DRC11L: variants seen among roughly 807,000 people sequenced by gnomAD.
DRC11L encodes the protein dynein regulatory complex subunit 11 like.
chr7:151,193,548 T>C, the DRC11L span: 2 of 399,244 alleles, frequency 5.0e-6, no homozygotes, highest in Non-Finnish European at 8.8e-6. Context: ...GAATCAGGGC[T>C]GGAGATGACT....
chr7:151,194,671 A>T, the DRC11L span: 108 of 398,650 alleles, frequency 2.7e-4, 1 homozygote, highest in Non-Finnish European at 4.3e-4. Flanking sequence ...AGGGAAATGG[A>T]GGCAGAGATG....
At chr7:151,195,597 TC>T in the DRC11L span, 187,528 of 399,664 alleles carry the variant, frequency 0.47, 47,130 homozygotes, top group Non-Finnish European at 0.54. Flanking sequence ...CAGGGGTCTT[TC>T]TTCCTCCTTG....
chr7:151,199,858 G>C, the DRC11L span, among the ~76,000 whole-genome samples: 1 of 152,268 alleles, frequency 6.6e-6, no homozygotes, highest in Non-Finnish European at 1.5e-5. The surrounding 1 kb of genome is among the most constrained non-coding windows in gnomAD (Gnocchi z 5.2). Flanking sequence ...AGCTGGGTGA[G>C]AGGACAGAGA....
chr7:151,204,696 A>G, the DRC11L span: 1 of 398,980 alleles, frequency 2.5e-6, no homozygotes, highest in Non-Finnish European at 4.4e-6. Context: ...CAGCAGCCCC[A>G]GGTAGTGCAG....
At chr7:151,200,472 GGGACACACA>G in the DRC11L span, 127 of 399,354 alleles carry the variant, frequency 3.2e-4, no homozygotes, top group Middle Eastern at 1.3e-3. Flanking sequence ...AGGGATGTAG[GGGACACACA>G]GGACACACAG....
At chr7:151,192,299 C>T in the DRC11L span, 4 of 398,990 alleles carry the variant, frequency 1.0e-5, no homozygotes, top group East Asian at 3.6e-5. Flanking sequence ...GTAGTCAGGC[C>T]GGGGCATGAA....
the DRC11L span, chr7:151,192,221 C>T: frequency 7.8e-5 from 31 of 398,572 alleles, no homozygotes; most frequent in Non-Finnish European, 1.3e-4. Flanking sequence ...GGGTATGGGG[C>T]GGGAGGTGGG....
At chr7:151,205,479 C>G in the DRC11L span, 1 of 399,014 alleles carries the variant, frequency 2.5e-6, no homozygotes. Context: ...CACGCTGCCC[C>G]TTGTTTGCTG....
At chr7:151,200,823 T>C in the DRC11L span, among the ~76,000 whole-genome samples, 37 of 152,314 alleles carry the variant, frequency 2.4e-4, no homozygotes, top group East Asian at 6.0e-3. Context: ...CCCAGGCACA[T>C]AGACACTGGC....
At chr7:151,194,805 G>A in the DRC11L span, among the ~76,000 whole-genome samples, 1 of 152,208 alleles carries the variant, frequency 6.6e-6, no homozygotes, top group East Asian at 1.9e-4. Flanking sequence ...GTCCCAGGAG[G>A]CAAGCCTCCC....
chr7:151,197,027 A>T, the DRC11L span: 2 of 399,616 alleles, frequency 5.0e-6, no homozygotes, highest in Admixed American at 8.8e-5. Context: ...TTTGGATGGC[A>T]ACACTTGCAA....
At chr7:151,196,457 G>A in the DRC11L span, 1 of 399,212 alleles carries the variant, frequency 2.5e-6, no homozygotes, top group Non-Finnish European at 4.4e-6. Flanking sequence ...CCTGTATCCG[G>A]ATCTCCAGCT....
At chr7:151,193,977 C>T in the DRC11L span, among the ~76,000 whole-genome samples, 2 of 151,452 alleles carry the variant, frequency 1.3e-5, no homozygotes, top group Non-Finnish European at 2.9e-5. Flanking sequence ...GGGTATAGGG[C>T]TGGTGGTCTT....
At chr7:151,197,364 A>G in the DRC11L span, 6,596 of 398,958 alleles carry the variant, frequency 0.017, 305 homozygotes, top group African/African-American at 0.11. Flanking sequence ...AGAGAAGATC[A>G]AGGGGATTTT....
the DRC11L span, among the ~76,000 whole-genome samples, chr7:151,201,557 C>T: frequency 6.6e-6 from 1 of 152,220 alleles, no homozygotes; most frequent in South Asian, 2.1e-4. The surrounding 1 kb of genome is among the most constrained non-coding windows in gnomAD (Gnocchi z 4.1). Flanking sequence ...ACGAATCTAT[C>T]CCATTTGCAG....
chr7:151,199,154 G>C, the DRC11L span, among the ~76,000 whole-genome samples: 1 of 152,160 alleles, frequency 6.6e-6, no homozygotes, highest in Non-Finnish European at 1.5e-5. The surrounding 1 kb of genome is among the most constrained non-coding windows in gnomAD (Gnocchi z 5.2). Flanking sequence ...CACCCACACG[G>C]AACAACGGGC....
At chr7:151,191,580 AGGGGGCT>A in the DRC11L span, 1 of 398,840 alleles carries the variant, frequency 2.5e-6, no homozygotes, top group Non-Finnish European at 4.4e-6. Context: ...GTTGTGCTTC[AGGGGGCT>A]GACTCCCCAA....
the DRC11L span, chr7:151,195,958 C>T: frequency 2.5e-5 from 7 of 280,788 alleles, no homozygotes; most frequent in African/African-American, 6.5e-5. Context: ...GAAGATCCCC[C>T]GCTGAGGTCT....
the DRC11L span, among the ~76,000 whole-genome samples, chr7:151,200,091 C>T: frequency 3.3e-5 from 5 of 152,206 alleles, no homozygotes; most frequent in Non-Finnish European, 4.4e-5. Context: ...CCTGCAGCCC[C>T]TTCCAGCTGG....
Sources: allele counts gnomAD v4.1 joint callset (sites outside exome capture counted in the v4.1 genomes callset), GRCh38; gene constraint gnomAD v4.1.1; non-coding constraint Gnocchi (gnomAD v3.1); transcripts MANE v1.5; gene names NCBI Gene and HGNC (gene_info 2026-07-23, HGNC 2026-07-21).